CTNNA3: variants seen among roughly 807,000 people sequenced by gnomAD.
CTNNA3 encodes the protein catenin alpha-3.
Under a neutral mutation model 95.7 loss-of-function variants are expected in CTNNA3, and 76 were observed. The ratio of observed to expected loss-of-function variants is 0.79; its 90% CI spans 0.66 to 0.96. The LOEUF is 0.96. Among genes scored for constraint, CTNNA3 ranks in the 40% least tolerant of loss-of-function variants. The probability of loss-of-function intolerance (pLI) is 0.00; values close to 1 mark genes in which losing one functional copy is unlikely to be tolerated. For missense variants in CTNNA3, 1,191 were observed against 1,089.8 expected (o/e 1.09, Z -1.31); for synonymous variants, 431 against 374.4 (o/e 1.15, Z -1.74).
chr10:66,623,050 C>T (rs920129365), intron 9 of CTNNA3, among the ~76,000 whole-genome samples: 1 of 152,136 alleles, frequency 6.6e-6, no homozygotes, highest in South Asian at 2.1e-4. Context: ...GTCACAATGC[C>T]TCAACTTTCA....
chr10:66,773,610 C>T (rs1361241384), intron 8 of CTNNA3, among the ~76,000 whole-genome samples: 4 of 152,140 alleles, frequency 2.6e-5, no homozygotes, highest in East Asian at 1.9e-4. Flanking sequence ...AAAATGGCCC[C>T]GCTGACGCCC....
chr10:67,537,478 A>G (rs1189400603), intron 4 of CTNNA3, among the ~76,000 whole-genome samples: 1 of 152,206 alleles, frequency 6.6e-6, no homozygotes, highest in African/African-American at 2.4e-5. Context: ...TGCAAGAGGT[A>G]CTTTGCTTTT....
intron 5 of CTNNA3, among the ~76,000 whole-genome samples, chr10:67,287,461 T>C (rs945720807): frequency 6.6e-6 from 1 of 152,242 alleles, no homozygotes; most frequent in Non-Finnish European, 1.5e-5. Context: ...TCTTTGCATA[T>C]AGTATGATGT....
chr10:67,417,504 A>G (rs1054369128), intron 5 of CTNNA3, among the ~76,000 whole-genome samples: 3 of 152,150 alleles, frequency 2.0e-5, no homozygotes, highest in African/African-American at 7.2e-5. Flanking sequence ...GGAAGGTATT[A>G]TCAAGGTGTA....
chr10:66,756,816 C>A (rs529126736), intron 9 of CTNNA3, among the ~76,000 whole-genome samples: 1 of 152,108 alleles, frequency 6.6e-6, no homozygotes, highest in Non-Finnish European at 1.5e-5. Flanking sequence ...ACCAAAATAA[C>A]GTCCTCTAGA....
chr10:66,152,606 AGT>A (rs1339081114), intron 13 of CTNNA3, among the ~76,000 whole-genome samples: 1 of 151,988 alleles, frequency 6.6e-6, no homozygotes, highest in East Asian at 1.9e-4. Flanking sequence ...GATGAGAAAG[AGT>A]GTATAAGTTT....
chr10:66,151,042 A>G (rs1416320539), intron 13 of CTNNA3, among the ~76,000 whole-genome samples: 1 of 152,022 alleles, frequency 6.6e-6, no homozygotes, highest in Non-Finnish European at 1.5e-5. Flanking sequence ...TAAACTTTTA[A>G]AATGCAATTA....
At chr10:66,057,727 C>A (rs1014716263) in intron 15 of CTNNA3, among the ~76,000 whole-genome samples, 4 of 152,218 alleles carry the variant, frequency 2.6e-5, no homozygotes, top group Admixed American at 6.5e-5. Flanking sequence ...AGTAAGCCAT[C>A]ATTCTGGAGC....
chr10:66,513,555 G>C (rs1046758433), intron 11 of CTNNA3, among the ~76,000 whole-genome samples: 3 of 152,180 alleles, frequency 2.0e-5, no homozygotes, highest in African/African-American at 7.2e-5. Flanking sequence ...GTACACAAAG[G>C]TACATAGTGG....
chr10:66,725,782 C>A (rs531303712), intron 9 of CTNNA3, among the ~76,000 whole-genome samples: 5 of 152,162 alleles, frequency 3.3e-5, no homozygotes, highest in African/African-American at 1.2e-4. Flanking sequence ...GAAAGGAAAC[C>A]TCACTTGTTT....
At chr10:67,198,282 T>C (rs756983108) in intron 6 of CTNNA3, among the ~76,000 whole-genome samples, 42 of 152,300 alleles carry the variant, frequency 2.8e-4, no homozygotes, top group Non-Finnish European at 5.1e-4. Flanking sequence ...AAGCACTATT[T>C]CCCTAAGCAA....
chr10:65,991,369 C>T (rs1312519565), intron 15 of CTNNA3, among the ~76,000 whole-genome samples: 1 of 152,006 alleles, frequency 6.6e-6, no homozygotes, highest in Non-Finnish European at 1.5e-5. Context: ...GATATTTTGA[C>T]AATATTAATT....
intron 7 of CTNNA3, among the ~76,000 whole-genome samples, chr10:67,013,934 C>T (rs1260221337): frequency 6.6e-6 from 1 of 152,056 alleles, no homozygotes; most frequent in Admixed American, 6.6e-5. Flanking sequence ...ACCCCAGAGC[C>T]CCAAGGTCTA....
chr10:66,025,423 A>G (rs1232695003), intron 15 of CTNNA3, among the ~76,000 whole-genome samples: 5 of 152,180 alleles, frequency 3.3e-5, no homozygotes, highest in East Asian at 3.9e-4. Context: ...ACAATGTCAA[A>G]CACCCATGGG....
At chr10:66,422,031 T>C (rs1239593900) in intron 11 of CTNNA3, among the ~76,000 whole-genome samples, 1 of 151,566 alleles carries the variant, frequency 6.6e-6, no homozygotes, top group African/African-American at 2.4e-5. Flanking sequence ...CAAATGAAAT[T>C]CCTACAAATT....
chr10:66,322,089 G>C (rs1032979301), intron 12 of CTNNA3, among the ~76,000 whole-genome samples: 1 of 152,126 alleles, frequency 6.6e-6, no homozygotes, highest in Admixed American at 6.6e-5. Flanking sequence ...CTCAGAACAG[G>C]CCTCACAGAG....
intron 1 of CTNNA3, among the ~76,000 whole-genome samples, chr10:67,654,792 C>T (rs1321159617): frequency 6.6e-6 from 1 of 152,144 alleles, no homozygotes; most frequent in Non-Finnish European, 1.5e-5. Context: ...ACTTCTCTTT[C>T]CTCCATCCAA....
intron 17 of CTNNA3, among the ~76,000 whole-genome samples, chr10:65,961,880 C>G (rs1354864595): frequency 6.6e-6 from 1 of 151,800 alleles, no homozygotes; most frequent in African/African-American, 2.4e-5. Context: ...TTGTTAGAGC[C>G]GTATAAGCCA....
intron 7 of CTNNA3, chr10:66,928,320 C>G: frequency 3.1e-6 from 5 of 1,614,088 alleles, no homozygotes; most frequent in Non-Finnish European, 4.2e-6. Flanking sequence ...AAAGACAGTC[C>G]CTAAAGCAAA....
Sources: allele counts gnomAD v4.1 joint callset (sites outside exome capture counted in the v4.1 genomes callset), GRCh38; gene constraint gnomAD v4.1.1; transcripts MANE v1.5; gene names NCBI Gene and HGNC (gene_info 2026-07-23, HGNC 2026-07-21).